The following CELF2 variants were observed in gnomAD, a reference collection of about 807,000 sequenced individuals.
The protein encoded by CELF2 is CUG triplet repeat RNA-binding protein 2.
CELF2 carries 8 observed loss-of-function variants against 62.6 expected under a neutral mutation model. The ratio of observed to expected loss-of-function variants is 0.13; its 90% CI spans 0.07 to 0.23. CELF2 has a LOEUF of 0.23. CELF2 is among the 10% of genes least tolerant of loss of function. CELF2 has a pLI of 1.00. For synonymous variants in CELF2, 258 were observed against 250.0 expected, an observed-to-expected ratio of 1.03 and a Z score of -0.30; for missense variants, 333 against 671.0, an observed-to-expected ratio of 0.50 and a Z score of 5.56.
At chr10:10,466,291 G>A in the CELF2 span, among the ~76,000 whole-genome samples, 1 of 152,096 alleles carries the variant, frequency 6.6e-6, no homozygotes, top group Non-Finnish European at 1.5e-5. Context: ...TTTATAAAAT[G>A]TCATATAAAT....
At chr10:10,587,096 A>G in the CELF2 span, among the ~76,000 whole-genome samples, 1 of 152,156 alleles carries the variant, frequency 6.6e-6, no homozygotes, top group African/African-American at 2.4e-5. Context: ...TTGTCCTAGT[A>G]TCCGTGTCTT....
chr10:11,186,465 TATA>T (rs1441687343), intron 2 of CELF2, among the ~76,000 whole-genome samples: 1 of 152,166 alleles, frequency 6.6e-6, no homozygotes, highest in African/African-American at 2.4e-5. Context: ...TATAATGGTA[TATA>T]ATTCCTCCTA....
At position 11,165,829 on chromosome 10, in the gene CELF2, G is replaced by A; in HGVS notation, c.271+147G>A. The A allele has an allele frequency of 1.3e-6, 1 of 753,602 alleles. No individual in the cohort carries two copies. Among genetic ancestry groups the A allele is most frequent in the South Asian group, 1.9e-5 (1 of 53,020 alleles). 46.7% of individuals were successfully genotyped at this position (753,602 alleles called of 1,614,324 possible). On this transcript the variant is annotated intron_variant, in intron 2 of 12. Coordinates refer to ENST00000633077, the MANE Select transcript of CELF2 (RefSeq NM_001326342.2). The surrounding 1 kb of genome is among the most constrained non-coding windows in gnomAD (Gnocchi z 7.4). ...TGCTGGCGGCCCCTGTGCTCCAGGGGCTGCTCCCGACTCCTCCCCGCACCC... is the reference window on the plus strand; with the variant it reads ...TGCTGGCGGCCCCTGTGCTCCAGGGACTGCTCCCGACTCCTCCCCGCACCC...
At chr10:11,102,915 A>G (rs964441821) in intron 1 of CELF2, among the ~76,000 whole-genome samples, 2 of 152,052 alleles carry the variant, frequency 1.3e-5, no homozygotes, top group African/African-American at 2.4e-5. Context: ...TCGTTTATGG[A>G]CAGACCACTT....
At chr10:11,014,408 T>C (rs1378035411), upstream of CELF2, among the ~76,000 whole-genome samples, 4 of 152,202 alleles carry the variant, frequency 2.6e-5, no homozygotes, top group Non-Finnish European at 5.9e-5. Context: ...AGCAGAAAAT[T>C]AACTGTTGGG....
At position 11,165,445 on chromosome 10, in the gene CELF2, C is replaced by T. The variant is rs563307544; in HGVS notation, c.75-41C>T. 6.9e-6 allele frequency: 11 copies of T among 1,586,172 alleles called. No individual in the cohort carries two copies. The highest frequency in any genetic ancestry group is 4.1e-5 in the African/African-American group (3 of 73,786). Reference sequence around the variant, plus strand: ...ACTATTTTTTCTTCCTGTCCCTCATCGTGCCGCCCTAACTCTGGCTCCCGG... The same window carrying T: ...ACTATTTTTTCTTCCTGTCCCTCATTGTGCCGCCCTAACTCTGGCTCCCGG... On this transcript the variant is annotated intron_variant, in intron 1 of 12. Coordinates refer to ENST00000633077, the MANE Select transcript of CELF2 (RefSeq NM_001326342.2). This position sits in a 1 kb window ranked among gnomAD's most constrained non-coding sequence, Gnocchi z 7.4.
chr10:10,799,229 C>T (rs942394061), intron 1 of CELF2, among the ~76,000 whole-genome samples: 5 of 152,042 alleles, frequency 3.3e-5, no homozygotes, highest in African/African-American at 4.8e-5. Context: ...TCTATAATCC[C>T]GCACTTTGGG....
At chr10:10,543,067 C>G in the CELF2 span, among the ~76,000 whole-genome samples, 1 of 152,156 alleles carries the variant, frequency 6.6e-6, no homozygotes, top group Non-Finnish European at 1.5e-5. Context: ...GATTCTTTTA[C>G]TGGGTTCCAG....
chr10:11,087,951 C>T (rs2047272966), intron 1 of CELF2, among the ~76,000 whole-genome samples: 1 of 152,224 alleles, frequency 6.6e-6, no homozygotes, highest in Non-Finnish European at 1.5e-5. Context: ...AACTGTTTTC[C>T]TGCCAATGAA....
chr10:10,646,962 C>A, the CELF2 span, among the ~76,000 whole-genome samples: 1 of 152,198 alleles, frequency 6.6e-6, no homozygotes, highest in Non-Finnish European at 1.5e-5. Flanking sequence ...CACTCCCCTG[C>A]TAGCCTACTC....
At chr10:10,943,991 G>A (rs1281481476) in intron 2 of CELF2, among the ~76,000 whole-genome samples, 1 of 152,122 alleles carries the variant, frequency 6.6e-6, no homozygotes, top group Non-Finnish European at 1.5e-5. Context: ...CCCTCACAAG[G>A]GAAGGCAAGC....
At chr10:10,650,558 A>C in the CELF2 span, among the ~76,000 whole-genome samples, 13 of 152,344 alleles carry the variant, frequency 8.5e-5, no homozygotes, top group East Asian at 2.5e-3. Flanking sequence ...ATTTATTAAC[A>C]AGAGAATGAA....
intron 2 of CELF2, among the ~76,000 whole-genome samples, chr10:11,213,912 T>C (rs1455759527): frequency 2.0e-5 from 3 of 152,246 alleles, no homozygotes; most frequent in Non-Finnish European, 4.4e-5. Context: ...TTTTCTTTTT[T>C]GGTCCTGAAT....
the CELF2 span, among the ~76,000 whole-genome samples, chr10:10,689,205 G>T: frequency 6.6e-6 from 1 of 152,102 alleles, no homozygotes; most frequent in African/African-American, 2.4e-5. Context: ...GCATTACCAG[G>T]AGGCCTCAGG....
In CELF2 at chr10:11,255,569, A is replaced by G. The variant is rs915172845; in HGVS notation, c.404-2169A>G. Among the ~76,000 whole-genome samples, 3 of 152,140 alleles carry G rather than the reference A, an allele frequency of 2.0e-5. No homozygotes were observed. The highest frequency in any genetic ancestry group is 7.2e-5 in the African/African-American group (3 of 41,404). On this transcript the variant is annotated intron_variant, in intron 4 of 12. Coordinates refer to ENST00000633077, the MANE Select transcript of CELF2 (RefSeq NM_001326342.2). This position sits in a 1 kb window ranked among gnomAD's most constrained non-coding sequence, Gnocchi z 5.5. ...CCTGGGTGCACGATTCGTAGTTTAC[A>G]AGTATTGTGGAATCGTGCCTTTCAA...
rs1363798162 is a variant in CELF2, at chr10:11,214,054, T to G, written c.272-3371T>G. 2.0e-5 allele frequency among the ~76,000 whole-genome samples: 3 copies of G among 152,046 alleles called. No individual in the cohort carries two copies. The South Asian group carries it at 6.2e-4, about 32-fold the overall frequency. Reference sequence around the variant, plus strand: ...GTCTAAGGGCTTTGGGAGGCCGAGGTGGGAGGACCACTTGAGGCCAGGAGT... The same window carrying G: ...GTCTAAGGGCTTTGGGAGGCCGAGGGGGGAGGACCACTTGAGGCCAGGAGT... On this transcript the variant is annotated intron_variant, in intron 2 of 12. Coordinates refer to ENST00000633077, the MANE Select transcript of CELF2 (RefSeq NM_001326342.2). The surrounding 1 kb of genome is among the most constrained non-coding windows in gnomAD (Gnocchi z 4.2).
rs577887094 is a variant in CELF2 at position 11,316,129 on chromosome 10, T to C, written c.1096+1871T>C. 5.3e-4 allele frequency among the ~76,000 whole-genome samples: 80 copies of C among 152,364 alleles called. No individual in the cohort carries two copies. The highest frequency in any genetic ancestry group is 1.8e-3 in the African/African-American group (75 of 41,580). The stretch of plus-strand genomic sequence containing the variant: ...ATGGCAGAGAAACCATGAGTAGTTC[T>C]TGTGTGGGGTCTTGTGTGATACACA... On this transcript the variant is annotated intron_variant, in intron 10 of 12. Coordinates refer to ENST00000633077, the MANE Select transcript of CELF2 (RefSeq NM_001326342.2). This position sits in a 1 kb window ranked among gnomAD's most constrained non-coding sequence, Gnocchi z 4.4.
intron 1 of CELF2, among the ~76,000 whole-genome samples, chr10:11,121,918 A>G (rs1468165056): frequency 1.3e-5 from 2 of 152,162 alleles, no homozygotes; most frequent in Non-Finnish European, 2.9e-5. Flanking sequence ...GTACTCCTCA[A>G]GAAAGGGCTC....
At chr10:10,669,518 T>C in the CELF2 span, among the ~76,000 whole-genome samples, 9 of 152,312 alleles carry the variant, frequency 5.9e-5, no homozygotes, top group South Asian at 1.9e-3. Flanking sequence ...TCCCAAACTA[T>C]TCATAACACA....
Sources: allele counts gnomAD v4.1 joint callset (sites outside exome capture counted in the v4.1 genomes callset), GRCh38; gene constraint gnomAD v4.1.1; non-coding constraint Gnocchi (gnomAD v3.1); transcripts MANE v1.5; gene names NCBI Gene and HGNC (gene_info 2026-07-23, HGNC 2026-07-21).